Variants in PIK3C2G observed in about 807,000 individuals in gnomAD.
PIK3C2G encodes the protein phosphatidylinositol 3-kinase C2 domain-containing subunit gamma.
Under a neutral mutation model 181.1 loss-of-function variants are expected in PIK3C2G, and 168 were observed. That is an observed-to-expected ratio of 0.93 (90% CI 0.82 to 1.05). The LOEUF (loss-of-function observed/expected upper bound fraction) is 1.05, where lower values mean the gene tolerates loss of function less well. PIK3C2G is among the 50% of genes least tolerant of loss of function. The pLI, the probability that PIK3C2G is intolerant of heterozygous loss-of-function variation, is 0.00. For synonymous variants in PIK3C2G, 573 were observed against 592.2 expected (o/e 0.97, Z 0.47); for missense variants, 1,869 against 1,732.8 (o/e 1.08, Z -1.40).
At chr12:18,303,451 T>A (rs1479868104) in intron 5 of PIK3C2G, among the ~76,000 whole-genome samples, 1 of 152,000 alleles carries the variant, frequency 6.6e-6, no homozygotes, top group African/African-American at 2.4e-5. Context: ...TTCTCCTGCC[T>A]CAGCCTCCAG....
intron 11 of PIK3C2G, among the ~76,000 whole-genome samples, chr12:18,347,224 G>GA (rs77196666): frequency 0.11 from 16,892 of 148,716 alleles, 1,281 homozygotes; most frequent in Admixed American, 0.25. Flanking sequence ...TTTAAAAATA[G>GA]AAAAAAAAAA....
chr12:18,311,277 A>G (rs1950624483), intron 5 of PIK3C2G, among the ~76,000 whole-genome samples: 1 of 152,048 alleles, frequency 6.6e-6, no homozygotes, highest in African/African-American at 2.4e-5. Context: ...AGTTTTTGAA[A>G]GCAGTAAAAT....
chr12:18,281,158 T>C (rs1212173692), intron 1 of PIK3C2G, among the ~76,000 whole-genome samples: 3 of 150,200 alleles, frequency 2.0e-5, no homozygotes, highest in East Asian at 3.9e-4. Flanking sequence ...CATTGACAAA[T>C]GGATGGGATG....
intron 29 of PIK3C2G, among the ~76,000 whole-genome samples, chr12:18,584,223 C>G (rs978206770): frequency 1.7e-4 from 26 of 151,446 alleles, no homozygotes; most frequent in Admixed American, 6.6e-4. Flanking sequence ...TTGGTAGAGA[C>G]AGGGTTTCAC....
chr12:18,714,939 A>C, the PIK3C2G span: 1 of 151,908 alleles, frequency 6.6e-6, no homozygotes, highest in Non-Finnish European at 1.5e-5. Flanking sequence ...CCAAGTACTT[A>C]TATAAAATCA....
In PIK3C2G at chr12:18,477,602, A is replaced by C. The variant is rs1212745852; in HGVS notation, c.2505-10847A>C. ...TGAGTTTCCAAAATGAATGGGATTA[A>C]ATGGTCCCAGCCAACTTTAGGGGAC... On this transcript the variant is annotated intron_variant, in intron 18 of 32. Coordinates refer to ENST00000538779, the MANE Select transcript of PIK3C2G (RefSeq NM_001288772.2). Among the ~76,000 whole-genome samples the C allele has an allele frequency of 2.6e-5, 4 of 152,320 alleles. No homozygotes were observed. In the East Asian group the frequency reaches 5.8e-4, roughly 22 times the overall value.
chr12:18,677,069 A>G, the PIK3C2G span, among the ~76,000 whole-genome samples: 1 of 152,118 alleles, frequency 6.6e-6, no homozygotes, highest in Non-Finnish European at 1.5e-5. Flanking sequence ...AAGGAAAATA[A>G]AAGGTACCAG....
chr12:18,567,274 C>G (rs969742204), intron 29 of PIK3C2G, among the ~76,000 whole-genome samples: 1 of 151,916 alleles, frequency 6.6e-6, no homozygotes, highest in Non-Finnish European at 1.5e-5. Context: ...TGACACATGC[C>G]TGTAGTCCCA....
intron 29 of PIK3C2G, among the ~76,000 whole-genome samples, chr12:18,576,619 T>C (rs1946243784): frequency 6.6e-6 from 1 of 152,226 alleles, no homozygotes; most frequent in African/African-American, 2.4e-5. Context: ...ATATTGTATG[T>C]GCATTCTCAA....
At chr12:18,298,236 C>CA (rs529846113) in intron 5 of PIK3C2G, among the ~76,000 whole-genome samples, 1 of 151,590 alleles carries the variant, frequency 6.6e-6, no homozygotes, top group Non-Finnish European at 1.5e-5. Context: ...AAGGGTAAAA[C>CA]AATATCTCAT....
At chr12:18,261,186 T>C (rs1218482419), upstream of PIK3C2G, among the ~76,000 whole-genome samples, 1 of 152,120 alleles carries the variant, frequency 6.6e-6, no homozygotes. Context: ...ACCTCCACGT[T>C]TAAATGCATA....
intron 31 of PIK3C2G, among the ~76,000 whole-genome samples, chr12:18,637,299 G>A (rs781418941): frequency 9.2e-5 from 14 of 151,942 alleles, no homozygotes; most frequent in African/African-American, 4.8e-5. Flanking sequence ...TCATTCAAGG[G>A]TTTCTGGATC....
At chr12:18,330,612 A>C (rs923480817) in intron 8 of PIK3C2G, among the ~76,000 whole-genome samples, 15 of 152,098 alleles carry the variant, frequency 9.9e-5, no homozygotes, top group Non-Finnish European at 1.5e-4. Flanking sequence ...GCCTGTTCAA[A>C]TCTTTTGCCT....
chr12:18,456,581 TG>T (rs1169672961), intron 18 of PIK3C2G, among the ~76,000 whole-genome samples: 3 of 152,276 alleles, frequency 2.0e-5, no homozygotes, highest in African/African-American at 7.2e-5. Flanking sequence ...ATTATGCAGA[TG>T]GGTCCCCTAC....
rs142248386 is a variant in PIK3C2G at position 18,517,082 on chromosome 12, G to A, written c.3323+11621G>A. 6.9e-4 allele frequency among the ~76,000 whole-genome samples: 96 copies of A among 138,420 alleles called. 1 individual carries two copies. In the East Asian group the frequency reaches 0.014, roughly 21 times the overall value. The allele number at this position is 138,420 out of a possible 152,430, so 90.8% of individuals were successfully genotyped here. ...CTATCCCTAAGTTTTCACAATCCTTGCATATTTTCACTGATGCTCACACAT... is the reference window on the plus strand; with the variant it reads ...CTATCCCTAAGTTTTCACAATCCTTACATATTTTCACTGATGCTCACACAT... On this transcript the variant is annotated intron_variant, in intron 24 of 32. Coordinates refer to ENST00000538779, the MANE Select transcript of PIK3C2G (RefSeq NM_001288772.2).
intron 18 of PIK3C2G, among the ~76,000 whole-genome samples, chr12:18,480,472 A>G (rs1939446718): frequency 6.6e-6 from 1 of 152,162 alleles, no homozygotes; most frequent in Non-Finnish European, 1.5e-5. Context: ...TTAACATATG[A>G]GTAGGCTGGA....
intron 8 of PIK3C2G, among the ~76,000 whole-genome samples, chr12:18,327,312 G>T (rs1376388083): frequency 6.6e-6 from 1 of 151,950 alleles, no homozygotes; most frequent in Non-Finnish European, 1.5e-5. Context: ...CATTTGACAA[G>T]TACATTAAGT....
At chr12:18,405,397 G>GTGGTGGTGGTGTTGT (rs113689341) in intron 16 of PIK3C2G, among the ~76,000 whole-genome samples, 3 of 139,880 alleles carry the variant, frequency 2.1e-5, no homozygotes, top group South Asian at 2.3e-4. Context: ...AGCAACATTT[G>GTGGTGGTGGTGTTGT]TGTTGTTGTT....
chr12:18,357,575 T>C (rs1172618952), intron 11 of PIK3C2G, among the ~76,000 whole-genome samples: 2 of 152,224 alleles, frequency 1.3e-5, no homozygotes, highest in Non-Finnish European at 2.9e-5. Context: ...AAAAATCTAG[T>C]GCTAAATAAT....
Sources: allele counts gnomAD v4.1 joint callset (sites outside exome capture counted in the v4.1 genomes callset), GRCh38; gene constraint gnomAD v4.1.1; transcripts MANE v1.5; gene names NCBI Gene and HGNC (gene_info 2026-07-23, HGNC 2026-07-21).